AAK1: variants seen among roughly 807,000 people sequenced by gnomAD.
The protein encoded by AAK1 is AP2 associated kinase 1, also known as AP2-associated protein kinase 1.
In AAK1, 37 loss-of-function variants were observed where a neutral mutation model predicts 116.0. The ratio of observed to expected loss-of-function variants is 0.32; its 90% confidence interval spans 0.25 to 0.42. AAK1 has a LOEUF of 0.42. Among genes scored for constraint, AAK1 ranks in the 10% least tolerant of loss-of-function variants. The probability of loss-of-function intolerance (pLI) is 1.00; values close to 1 mark genes in which losing one functional copy is unlikely to be tolerated. For synonymous variants in AAK1, 458 were observed against 439.9 expected, an observed-to-expected ratio of 1.04 and a Z score of -0.51; for missense variants, 919 against 1,170.6, an observed-to-expected ratio of 0.79 and a Z score of 3.14.
chr2:69,581,747 T>C (rs1326846660), intron 2 of AAK1, among the ~76,000 whole-genome samples: 1 of 152,204 alleles, frequency 6.6e-6, no homozygotes, highest in Non-Finnish European at 1.5e-5. Flanking sequence ...GAGGCTGAAG[T>C]GGGAAGATCA....
chr2:69,610,955 G>A (rs1674051422), intron 2 of AAK1, among the ~76,000 whole-genome samples: 1 of 152,140 alleles, frequency 6.6e-6, no homozygotes, highest in African/African-American at 2.4e-5. Flanking sequence ...TGTGGAAAAT[G>A]GTATGCCAAT....
At chr2:69,582,396 TGCGTGTGTGTGC>T (rs892596995) in intron 2 of AAK1, among the ~76,000 whole-genome samples, 110 of 149,628 alleles carry the variant, frequency 7.4e-4, no homozygotes, top group African/African-American at 2.6e-3. Flanking sequence ...CGTGTGTGTG[TGCGTGTGTGTGC>T]GCGTGTGTGT....
intron 2 of AAK1, among the ~76,000 whole-genome samples, chr2:69,615,342 G>C (rs1186789311): frequency 6.6e-6 from 1 of 152,208 alleles, no homozygotes; most frequent in East Asian, 1.9e-4. Flanking sequence ...AGACACAGAG[G>C]ATGGGAGGCA....
At chr2:69,596,376 C>G (rs1410474691) in intron 2 of AAK1, among the ~76,000 whole-genome samples, 2 of 152,034 alleles carry the variant, frequency 1.3e-5, no homozygotes, top group Admixed American at 6.6e-5. Flanking sequence ...CACCTGCCAC[C>G]ACGCCCAGCT....
chr2:69,493,158 C>CAGAAAAAAAAAAAAAAA (rs1675603351), intron 17 of AAK1, among the ~76,000 whole-genome samples: 2 of 37,566 alleles, frequency 5.3e-5, no homozygotes, highest in African/African-American at 1.5e-4. Context: ...GACTCCGTCT[C>CAGAAAAAAAAAAAAAAA]AAAAAAAAAA....
At chr2:69,503,907 G>A (rs1676072001) in intron 16 of AAK1, among the ~76,000 whole-genome samples, 1 of 151,858 alleles carries the variant, frequency 6.6e-6, no homozygotes, top group South Asian at 2.1e-4. Flanking sequence ...GCTGAGGCAG[G>A]AGAATCGTTT....
At chr2:69,588,898 G>T (rs375176999) in intron 2 of AAK1, among the ~76,000 whole-genome samples, 3 of 152,156 alleles carry the variant, frequency 2.0e-5, no homozygotes, top group South Asian at 4.1e-4. Flanking sequence ...CAGAATAAAT[G>T]AAAGAACTGC....
intron 2 of AAK1, among the ~76,000 whole-genome samples, chr2:69,622,316 C>A (rs570082925): frequency 1.3e-5 from 2 of 152,208 alleles, no homozygotes; most frequent in African/African-American, 2.4e-5. Context: ...GCCTTCCCCC[C>A]TCCCCCGCCC....
chr2:69,495,841 A>T, intron 17 of AAK1, 144 bp downstream of exon 17: 1 of 638,444 alleles, frequency 1.6e-6, no homozygotes, highest in Non-Finnish European at 2.6e-6. Context: ...TCTTATTGAG[A>T]CACAGTAAAA....
chr2:69,643,285 A>T lies in AAK1; in HGVS notation c.-234-11T>A, dbSNP rs554831123. 1.5e-5 allele frequency: 20 copies of T among 1,374,672 alleles called. No homozygotes were observed. In the African/African-American group the frequency reaches 2.7e-4, roughly 18 times the overall value. 85.2% of individuals were successfully genotyped at this position (1,374,672 alleles called of 1,614,324 possible). On this transcript the variant is annotated splice_polypyrimidine_tract_variant and intron_variant, in intron 1 of 21. Coordinates refer to ENST00000409085, the MANE Select transcript of AAK1 (RefSeq NM_014911.5). Reference sequence around the variant, plus strand: ...CGTGTAAGTTTAAACCTGTGATGACAGAGGAAGAAAGAGAGGATGAATCAG... The same window carrying T: ...CGTGTAAGTTTAAACCTGTGATGACTGAGGAAGAAAGAGAGGATGAATCAG...
At chr2:69,515,838 C>CA (rs35966417) in intron 12 of AAK1, among the ~76,000 whole-genome samples, 5,073 of 145,704 alleles carry the variant, frequency 0.035, 188 homozygotes, top group African/African-American at 0.11. Context: ...TAGAAGATGT[C>CA]AAAAAAAAAA....
intron 19 of AAK1, among the ~76,000 whole-genome samples, chr2:69,480,199 G>C (rs1407156146): frequency 6.6e-6 from 1 of 150,466 alleles, no homozygotes; most frequent in Non-Finnish European, 1.5e-5. Context: ...ACATTTCCTA[G>C]GCTTCTAATT....
intron 16 of AAK1, among the ~76,000 whole-genome samples, chr2:69,501,028 C>T (rs915853082): frequency 1.4e-4 from 22 of 151,974 alleles, no homozygotes; most frequent in Non-Finnish European, 2.6e-4. Flanking sequence ...GACTCAGCAG[C>T]AAAGAAGACT....
chr2:69,630,340 T>TGGGGGGGGAGGGGGAGGGAG (rs1559017500), intron 2 of AAK1, among the ~76,000 whole-genome samples: 3 of 68,574 alleles, frequency 4.4e-5, no homozygotes, highest in African/African-American at 1.4e-4. Context: ...GGGCGGGGGG[T>TGGGGGGGGAGGGGGAGGGAG]GGGGGGGGAG....
intron 5 of AAK1, among the ~76,000 whole-genome samples, chr2:69,534,286 A>G (rs900736461): frequency 6.6e-6 from 1 of 152,202 alleles, no homozygotes; most frequent in Admixed American, 6.5e-5. Context: ...CTCACTCTAG[A>G]AAGGATAGGC....
At chr2:69,489,374 C>T (rs1675432481) in intron 17 of AAK1, among the ~76,000 whole-genome samples, 1 of 150,806 alleles carries the variant, frequency 6.6e-6, no homozygotes, top group African/African-American at 2.4e-5. Context: ...TTGCTTGAAG[C>T]CAGGAGGCAG....
chr2:69,513,308 C>A (rs1274393088), intron 13 of AAK1, among the ~76,000 whole-genome samples: 1 of 152,008 alleles, frequency 6.6e-6, no homozygotes, highest in South Asian at 2.1e-4. Flanking sequence ...AGAAATCAAT[C>A]CTCAGAAAGA....
At chr2:69,519,349 C>G in intron 11 of AAK1, 109 bp from the exon 12 acceptor site, 5 of 1,390,736 alleles carry the variant, frequency 3.6e-6, no homozygotes, top group Non-Finnish European at 4.7e-6. Context: ...CAGAGTATCT[C>G]AAGATTCGTG....
intron 17 of AAK1, among the ~76,000 whole-genome samples, chr2:69,488,254 C>A (rs1337695667): frequency 6.6e-6 from 1 of 151,484 alleles, no homozygotes; most frequent in South Asian, 2.1e-4. Context: ...TCAGTTGTAC[C>A]CCAAACCTCA....
Sources: allele counts gnomAD v4.1 joint callset (sites outside exome capture counted in the v4.1 genomes callset), GRCh38; gene constraint gnomAD v4.1.1; transcripts MANE v1.5; gene names NCBI Gene and HGNC (gene_info 2026-07-23, HGNC 2026-07-21).